ATP5PF: variants seen among roughly 807,000 people sequenced by gnomAD.
ATP5PF encodes ATP synthase peripheral stalk subunit F6, mitochondrial.
A neutral mutation model predicts 12.0 loss-of-function variants in ATP5PF; 7 were observed. The observed-to-expected ratio is 0.58, with a 90% confidence interval of 0.33 to 1.10. The LOEUF is 1.10. ATP5PF is among the 50% of genes least tolerant of loss of function. The probability of loss-of-function intolerance (pLI) is 0.03; values close to 1 mark genes in which losing one functional copy is unlikely to be tolerated. For missense variants in ATP5PF, 120 were observed against 127.7 expected (o/e 0.94, Z 0.29); for synonymous variants, 41 against 45.4 (o/e 0.90, Z 0.39).
intron 2 of ATP5PF, among the ~76,000 whole-genome samples, chr21:25,728,732 A>T (rs1366041884): frequency 6.6e-6 from 1 of 152,226 alleles, no homozygotes; most frequent in African/African-American, 2.4e-5. Context: ...CCTTCCAAGA[A>T]GCCTCTAAAA....
chr21:25,725,292 G>GCTCC lies in ATP5PF; in HGVS notation c.219_222dup (p.Leu75GlyfsTer4). On this transcript the variant is annotated frameshift_variant, in exon 3 of 4. Transcript: ENST00000284971. LOFTEE classifies it high-confidence loss of function. The stretch of plus-strand genomic sequence containing the variant: ...CCAAACATTTGCTTGAGCTTAAAAA[G>GCTCC]CTCCCTCTCCAGCTCTTGCTGATAC... 1 of 1,613,178 alleles carries GCTCC rather than the reference G, an allele frequency of 6.2e-7. No individual in the cohort carries two copies. The highest frequency in any genetic ancestry group is 8.5e-7 in the Non-Finnish European group (1 of 1,179,938).
chr21:25,724,792 GTAA>G, intron 3 of ATP5PF, 115 bp from the exon 4 acceptor site: 1 of 1,033,560 alleles, frequency 9.7e-7, no homozygotes, highest in Non-Finnish European at 1.4e-6. Context: ...AACACTGTTT[GTAA>G]ACATTTACAT....
In ATP5PF at chr21:25,725,327, G is replaced by C; in HGVS notation, c.188C>G (p.Ala63Gly). ...CAGCTCTTGCTGATACTCTGAACTA[G>C]CATCAACAGGTCCTCCAGATGTCCT... Reference protein sequence around the residue: ...KRQTSGGPVDASSEYQQELER... With the variant: ...KRQTSGGPVDGSSEYQQELER... Residue 63 changes from alanine (A) to glycine (G), a missense_variant, in exon 3 of 4, where the codon GCT (alanine) becomes GGT (glycine). Physicochemically the swap from Ala to Gly is moderately conservative, Grantham distance 60. Transcript: ENST00000284971. The C allele has an allele frequency of 6.2e-7, 1 of 1,607,184 alleles. No homozygotes were observed. The highest frequency in any genetic ancestry group is 8.5e-7 in the Non-Finnish European group (1 of 1,178,692).
intron 2 of ATP5PF, among the ~76,000 whole-genome samples, chr21:25,727,200 C>A (rs2034641500): frequency 6.6e-6 from 1 of 152,230 alleles, no homozygotes; most frequent in Non-Finnish European, 1.5e-5. Flanking sequence ...TAAATAGATC[C>A]TTCAACTAGA....
intron 1 of ATP5PF, chr21:25,734,592 G>A: frequency 2.4e-6 from 1 of 417,646 alleles, no homozygotes; most frequent in Non-Finnish European, 3.9e-6. Context: ...CTGCGGGCCC[G>A]AGACCCCCGG....
chr21:25,732,469 T>C (rs1335735060), intron 1 of ATP5PF, among the ~76,000 whole-genome samples: 1 of 150,690 alleles, frequency 6.6e-6, no homozygotes. Flanking sequence ...CAACACAGTA[T>C]GACCCCATCT....
intron 1 of ATP5PF, among the ~76,000 whole-genome samples, chr21:25,733,513 C>G (rs1222145658): frequency 6.6e-6 from 1 of 151,700 alleles, no homozygotes; most frequent in Non-Finnish European, 1.5e-5. Flanking sequence ...GGCGACAGAG[C>G]GAGACTCTGT....
chr21:25,725,433 C>A (rs910402892), intron 2 of ATP5PF, 83 bp from the exon 3 acceptor site: 67 of 1,349,868 alleles, frequency 5.0e-5, no homozygotes, highest in Non-Finnish European at 1.3e-5. Context: ...CACATTCCAA[C>A]AGATCTTTTT....
Position 25,734,836 on chromosome 21 carries a change from G to A in ATP5PF, c.-8+17C>T. 1 of 1,533,788 alleles carries A rather than the reference G, an allele frequency of 6.5e-7. No individual in the cohort carries two copies. Among genetic ancestry groups the A allele is most frequent in the Non-Finnish European group, 8.7e-7 (1 of 1,143,238 alleles). On this transcript the variant is annotated intron_variant, in intron 1 of 3. Transcript: ENST00000284971. ...AGTCCCAAAAGGCCACGCTGATCTA[G>A]CTACCCTCCCAGTCACCTTGCACTC...
chr21:25,732,361 A>G (rs2034806482), intron 1 of ATP5PF, among the ~76,000 whole-genome samples: 1 of 151,796 alleles, frequency 6.6e-6, no homozygotes, highest in Non-Finnish European at 1.5e-5. Context: ...AGAAATCTAC[A>G]ATGAGCCAGG....
intron 2 of ATP5PF, among the ~76,000 whole-genome samples, chr21:25,726,998 T>C (rs1005722670): frequency 6.6e-6 from 1 of 152,240 alleles, no homozygotes; most frequent in Non-Finnish European, 1.5e-5. Context: ...ATAGACCTTT[T>C]TGTGATGTTA....
intron 2 of ATP5PF, among the ~76,000 whole-genome samples, chr21:25,728,325 C>T (rs1229299338): frequency 1.7e-4 from 26 of 152,168 alleles, no homozygotes; most frequent in Admixed American, 1.7e-3. Flanking sequence ...ACAATCAAGG[C>T]CTTCCATAAT....
intron 2 of ATP5PF, among the ~76,000 whole-genome samples, chr21:25,726,771 C>T (rs2034630232): frequency 6.6e-6 from 1 of 152,182 alleles, no homozygotes; most frequent in African/African-American, 2.4e-5. Context: ...ATACTACTGC[C>T]TACCTAGCAA....
At chr21:25,734,341 G>GGTT (rs746382572) in intron 1 of ATP5PF, 2 of 986,370 alleles carry the variant, frequency 2.0e-6, no homozygotes, top group South Asian at 9.3e-5. Context: ...ACCGGCCAAA[G>GGTT]GTTAGTAGGT....
intron 1 of ATP5PF, 52 bp downstream of exon 1, chr21:25,734,801 C>T: frequency 6.6e-7 from 1 of 1,503,948 alleles, no homozygotes; most frequent in South Asian, 1.2e-5. Context: ...GTGAAAAAAC[C>T]CAGAACTGGA....
chr21:25,724,571 T>C lies in ATP5PF; in HGVS notation c.*69A>G. On this transcript the variant is annotated 3_prime_UTR_variant, in exon 4 of 4. Transcript: ENST00000284971. ...TTGACAGTTATGAAATGCATGTTTA[T>C]TCTGAAACTTCTAACTAGTTGTACA... 1 of 1,508,298 alleles carries C rather than the reference T, an allele frequency of 6.6e-7. No individual in the cohort carries two copies. The highest frequency in any genetic ancestry group is 9.1e-7 in the Non-Finnish European group (1 of 1,096,754). The allele number at this position is 1,508,298 out of a possible 1,614,324, so 93.4% of individuals were successfully genotyped here.
At chr21:25,727,194 T>C (rs371211718) in intron 2 of ATP5PF, among the ~76,000 whole-genome samples, 7 of 152,228 alleles carry the variant, frequency 4.6e-5, no homozygotes, top group African/African-American at 1.7e-4. Context: ...CGGTTCTAAA[T>C]AGATCCTTCA....
intron 1 of ATP5PF, among the ~76,000 whole-genome samples, chr21:25,731,410 T>G (rs978819385): frequency 1.3e-5 from 2 of 152,008 alleles, no homozygotes; most frequent in African/African-American, 4.8e-5. Context: ...CTCAATCTTT[T>G]TTTTTTTCAG....
At chr21:25,728,294 C>T (rs146707402) in intron 2 of ATP5PF, among the ~76,000 whole-genome samples, 3 of 152,340 alleles carry the variant, frequency 2.0e-5, no homozygotes, top group African/African-American at 4.8e-5. Flanking sequence ...ATGCCTACCA[C>T]ATATCTTACT....
Sources: gnomAD v4.1 joint callset for allele counts (sites outside exome capture counted in the v4.1 genomes callset) on GRCh38, gnomAD v4.1.1 for gene constraint, MANE v1.5 for transcripts, NCBI Gene and HGNC (gene_info 2026-07-23, HGNC 2026-07-21) for gene names.